MGST3: variants seen among roughly 807,000 people sequenced by gnomAD.
The protein encoded by MGST3 is glutathione S-transferase 3, mitochondrial.
MGST3 carries 13 observed loss-of-function variants against 15.8 expected under a neutral mutation model. The observed-to-expected ratio is 0.82, with a 90% confidence interval of 0.54 to 1.31. MGST3 has a LOEUF of 1.31. Among genes scored for constraint, MGST3 ranks in the 50% most tolerant of loss-of-function variants. MGST3 has a pLI of 0.00. For missense variants in MGST3, 155 were observed against 192.4 expected (o/e 0.81, Z 1.15); for synonymous variants, 49 against 68.1 (o/e 0.72, Z 1.38).
intron 1 of MGST3, among the ~76,000 whole-genome samples, chr1:165,643,380 T>C (rs955405101): frequency 2.2e-4 from 33 of 152,038 alleles, no homozygotes; most frequent in African/African-American, 7.2e-4. Flanking sequence ...TACCTCAGGA[T>C]AGATTTCTAG....
chr1:165,650,941 T>C (rs1182490938), intron 2 of MGST3, 73 bp from the exon 3 acceptor site: 9 of 1,303,286 alleles, frequency 6.9e-6, no homozygotes, highest in Admixed American at 1.7e-5. Context: ...ATATTGTTTT[T>C]AAGGTTCATT....
At chr1:165,631,418 CCCCCA>C (rs2101710745) in intron 1 of MGST3, 125 bp downstream of exon 1, 1 of 152,852 alleles carries the variant, frequency 6.5e-6, no homozygotes, top group South Asian at 2.1e-4. Context: ...CTCTAACCTC[CCCCCA>C]CCCTTATCAG....
At chr1:165,650,536 T>C in intron 2 of MGST3, 1 of 187,154 alleles carries the variant, frequency 5.3e-6, no homozygotes, top group East Asian at 1.4e-4. Flanking sequence ...CTAGAGCTTC[T>C]TTTAAGTTTT....
intron 1 of MGST3, among the ~76,000 whole-genome samples, chr1:165,634,768 T>TCG (rs1557990187): frequency 1.0e-5 from 1 of 96,658 alleles, no homozygotes; most frequent in Non-Finnish European, 2.1e-5. Context: ...TCCCTCCCTC[T>TCG]CTCTCCCTCC....
At position 165,651,892 on chromosome 1, in the gene MGST3, CAAAA is replaced by C. The variant is rs58194137; in HGVS notation, c.192-70_192-67del. ...CCTGGGTGACAGAGACACTCCGTCT[CAAAA>C]AAAAAAAAAAAAAAATTCATAATTC... On this transcript the variant is annotated intron_variant, in intron 3 of 5. Transcript: ENST00000367889. 69 of 472,542 alleles carry C rather than the reference CAAAA, an allele frequency of 1.5e-4. 1 individual carries two copies. Among genetic ancestry groups the C allele is most frequent in the East Asian group, 3.5e-4 (7 of 20,108 alleles). 29.3% of individuals were successfully genotyped at this position (472,542 alleles called of 1,614,324 possible).
In MGST3 at chr1:165,649,836, C is replaced by G; in HGVS notation, c.-7-5C>G. On this transcript the variant is annotated splice_polypyrimidine_tract_variant and splice_region_variant and intron_variant, in intron 1 of 5. Transcript: ENST00000367889. Reference sequence around the variant, plus strand: ...GGCCGTCCCAACGTGTTCTTTCTTCCACAGACGCAAGATGGCTGTCCTCTC... The same window carrying G: ...GGCCGTCCCAACGTGTTCTTTCTTCGACAGACGCAAGATGGCTGTCCTCTC... 3 of 1,613,988 alleles carry G rather than the reference C, an allele frequency of 1.9e-6. No individual in the cohort carries two copies. Among genetic ancestry groups the G allele is most frequent in the African/African-American group, 2.7e-5 (2 of 75,036 alleles).
chr1:165,649,748 T>C, intron 1 of MGST3, 93 bp from the exon 2 acceptor site: 1 of 1,507,416 alleles, frequency 6.6e-7, no homozygotes, highest in Non-Finnish European at 9.2e-7. Flanking sequence ...ATTTACTCAT[T>C]TGCCAGTAAT....
chr1:165,631,904 G>A (rs190733093), intron 1 of MGST3, among the ~76,000 whole-genome samples: 1 of 152,362 alleles, frequency 6.6e-6, no homozygotes, highest in East Asian at 1.9e-4. Context: ...CTGACTTAGA[G>A]CAAGAGACGC....
At chr1:165,648,777 A>C (rs1262451699) in intron 1 of MGST3, 1 of 152,274 alleles carries the variant, frequency 6.6e-6, no homozygotes, top group Non-Finnish European at 1.5e-5. Context: ...CCACAGTGTC[A>C]GTTTGGCTCT....
In MGST3 at chr1:165,655,713, C is replaced by G. The variant is rs1447023498; in HGVS notation, c.*209C>G. On this transcript the variant is annotated 3_prime_UTR_variant, in exon 6 of 6. Transcript: ENST00000367889. ...TGAGAAAGGAGCCACAAGTATTGTG[C>G]CCTCTCCTCACCCTTCCAGCAGATG... 1 of 607,298 alleles carries G rather than the reference C, an allele frequency of 1.6e-6. No homozygotes were observed. The highest frequency in any genetic ancestry group is 2.8e-6 in the Non-Finnish European group (1 of 352,140). 37.6% of individuals were successfully genotyped at this position (607,298 alleles called of 1,614,324 possible).
intron 1 of MGST3, among the ~76,000 whole-genome samples, chr1:165,637,452 T>G (rs1648143182): frequency 6.6e-6 from 1 of 152,204 alleles, no homozygotes; most frequent in Non-Finnish European, 1.5e-5. Flanking sequence ...TGCCTTTTGC[T>G]TTGTTTGTGG....
At chr1:165,638,725 G>A (rs1285720643) in intron 1 of MGST3, among the ~76,000 whole-genome samples, 1 of 151,260 alleles carries the variant, frequency 6.6e-6, no homozygotes, top group African/African-American at 2.4e-5. Context: ...GGAGGTTGCA[G>A]TGAGCCAAGA....
In MGST3 at chr1:165,651,075, C is replaced by T. The variant is rs1249729301; in HGVS notation, c.179C>T (p.Ala60Val). The change falls in exon 3 of 6, where the codon GCC becomes GTC. Residue 60 changes from alanine (A) to valine (V), a missense_variant. Transcript: ENST00000367889. ...CACATCTTCAACTGCATTCAGCGAGCCCACCAGAACACGTGAGTGTCGGCC... is the reference window on the plus strand; with the variant it reads ...CACATCTTCAACTGCATTCAGCGAGTCCACCAGAACACGTGAGTGTCGGCC... ...NGHIFNCIQR[A>V]HQNTLEVYPP... The T allele has an allele frequency of 6.2e-7, 1 of 1,614,032 alleles. No homozygotes were observed. Among genetic ancestry groups the T allele is most frequent in the Non-Finnish European group, 8.5e-7 (1 of 1,180,000 alleles).
rs2101726041 is a variant in MGST3 at position 165,654,252 on chromosome 1, A to G, written c.250-27A>G. 3 of 1,610,772 alleles carry G rather than the reference A, an allele frequency of 1.9e-6. No homozygotes were observed. In the East Asian group the frequency reaches 6.7e-5, roughly 36 times the overall value. On this transcript the variant is annotated intron_variant, in intron 4 of 5. Coordinates refer to ENST00000367889, the MANE Select transcript of MGST3 (RefSeq NM_004528.4). Reference sequence around the variant, plus strand: ...AAGGTTTGCTTGTTTCTTTCATGCAAATACTAATGTAGCCCTTTTTTCTTA... The same window carrying G: ...AAGGTTTGCTTGTTTCTTTCATGCAGATACTAATGTAGCCCTTTTTTCTTA...
rs531057687 is a variant in MGST3 at position 165,636,260 on chromosome 1, C to CA, written c.-8+4970dup. Among the ~76,000 whole-genome samples the CA allele has an allele frequency of 3.4e-3, 521 of 152,248 alleles. 2 individuals carry two copies. The highest frequency in any genetic ancestry group is 0.012 in the African/African-American group (503 of 41,554). On this transcript the variant is annotated intron_variant, in intron 1 of 5. Coordinates refer to ENST00000367889, the MANE Select transcript of MGST3 (RefSeq NM_004528.4). Reference sequence around the variant, plus strand: ...TTCACCATGTTGCCCAGGCTAGACTCAAACTCCTAGGCTGAAGCAGTCCTC... The same window carrying CA: ...TTCACCATGTTGCCCAGGCTAGACTCAAAACTCCTAGGCTGAAGCAGTCCTC...
intron 1 of MGST3, among the ~76,000 whole-genome samples, chr1:165,638,968 T>C (rs1648193494): frequency 1.3e-5 from 2 of 151,960 alleles, no homozygotes; most frequent in African/African-American, 4.8e-5. Flanking sequence ...GTATTCAACA[T>C]TGCATTGCCC....
intron 1 of MGST3, among the ~76,000 whole-genome samples, chr1:165,638,317 A>G (rs1366439900): frequency 6.6e-6 from 1 of 150,548 alleles, no homozygotes; most frequent in South Asian, 2.1e-4. Context: ...CGTCTGTACT[A>G]AAAATACAAA....
At chr1:165,633,307 C>T (rs1648007649) in intron 1 of MGST3, among the ~76,000 whole-genome samples, 1 of 152,180 alleles carries the variant, frequency 6.6e-6, no homozygotes, top group Non-Finnish European at 1.5e-5. Flanking sequence ...CTTTCAAATG[C>T]ATTTGCAAAT....
chr1:165,645,413 A>G (rs961423577), intron 1 of MGST3, among the ~76,000 whole-genome samples: 44 of 152,154 alleles, frequency 2.9e-4, no homozygotes, highest in Non-Finnish European at 2.8e-4. Flanking sequence ...GTCCTCTCCT[A>G]TGGTAACAAG....
Sources: gnomAD v4.1 joint callset for allele counts (sites outside exome capture counted in the v4.1 genomes callset) on GRCh38, gnomAD v4.1.1 for gene constraint, MANE v1.5 for transcripts, NCBI Gene and HGNC (gene_info 2026-07-23, HGNC 2026-07-21) for gene names.